SHISA9: variants seen among roughly 807,000 people sequenced by gnomAD.
SHISA9 encodes shisa family member 9, also known as protein shisa-9.
In SHISA9, 13 loss-of-function variants were observed where a neutral mutation model predicts 38.0. The ratio of observed to expected loss-of-function variants is 0.34; its 90% confidence interval spans 0.22 to 0.54. The LOEUF (loss-of-function observed/expected upper bound fraction) is 0.54, where lower values mean the gene tolerates loss of function less well. SHISA9 is among the 20% of genes least tolerant of loss of function. The pLI, the probability that SHISA9 is intolerant of heterozygous loss-of-function variation, is 0.91. For missense variants in SHISA9, 538 were observed against 575.8 expected (o/e 0.93, Z 0.67); for synonymous variants, 275 against 242.0 (o/e 1.14, Z -1.27).
intron 4 of SHISA9, among the ~76,000 whole-genome samples, chr16:13,222,322 G>A (rs2051234901): frequency 6.6e-6 from 1 of 152,078 alleles, no homozygotes; most frequent in African/African-American, 2.4e-5. Context: ...TACTCCGAGT[G>A]GTCACTCCAG....
At chr16:13,244,036 G>C (rs2051454640), downstream of SHISA9, among the ~76,000 whole-genome samples, 1 of 152,118 alleles carries the variant, frequency 6.6e-6, no homozygotes, top group Non-Finnish European at 1.5e-5. Context: ...CTCCCAAAGT[G>C]CTGGGATTAC....
the SHISA9 span, among the ~76,000 whole-genome samples, chr16:13,557,757 G>GGT: frequency 6.6e-6 from 1 of 152,236 alleles, no homozygotes; most frequent in East Asian, 1.9e-4. Context: ...ACCCAGGAAG[G>GGT]AGATGAACGT....
At chr16:13,056,248 A>G (rs2073309580) in intron 2 of SHISA9, among the ~76,000 whole-genome samples, 1 of 152,204 alleles carries the variant, frequency 6.6e-6, no homozygotes, top group South Asian at 2.1e-4. Context: ...GCACTAAATG[A>G]CAGAAGTGTG....
At chr16:13,055,099 T>C (rs2073295251) in intron 2 of SHISA9, among the ~76,000 whole-genome samples, 1 of 152,212 alleles carries the variant, frequency 6.6e-6, no homozygotes, top group Admixed American at 6.5e-5. Flanking sequence ...CATCATATAA[T>C]AATAGCTCAC....
At chr16:13,231,026 T>G (rs912841823) in intron 4 of SHISA9, among the ~76,000 whole-genome samples, 1 of 152,198 alleles carries the variant, frequency 6.6e-6, no homozygotes, top group Non-Finnish European at 1.5e-5. Context: ...GTGCCAGGCT[T>G]CTGTCTCATC....
Position 12,924,930 on chromosome 16 carries a change from C to T in SHISA9, c.691+8115C>T, listed in dbSNP as rs1016346450. 2.6e-5 allele frequency among the ~76,000 whole-genome samples: 4 copies of T among 152,108 alleles called. No individual in the cohort carries two copies. The East Asian group carries it at 5.8e-4, about 22-fold the overall frequency. ...TATAAAAGGAGTAAAACTATGTCTACCTTACAAGGTTGTTGTGAGGATTAA... is the reference window on the plus strand; with the variant it reads ...TATAAAAGGAGTAAAACTATGTCTATCTTACAAGGTTGTTGTGAGGATTAA... On this transcript the variant is annotated intron_variant, in intron 2 of 4. Transcript: ENST00000558583.
At chr16:13,009,524 G>C (rs2072643994) in intron 2 of SHISA9, among the ~76,000 whole-genome samples, 1 of 152,148 alleles carries the variant, frequency 6.6e-6, no homozygotes, top group Non-Finnish European at 1.5e-5. Flanking sequence ...CTCTGGGAAT[G>C]TGGGGAAGGT....
At chr16:13,514,040 G>A in the SHISA9 span, among the ~76,000 whole-genome samples, 2 of 152,212 alleles carry the variant, frequency 1.3e-5, no homozygotes, top group South Asian at 4.2e-4. Flanking sequence ...TGTCACGCAG[G>A]CTGGAGTGCA....
chr16:12,905,000 G>C (rs186364821), intron 1 of SHISA9, among the ~76,000 whole-genome samples: 24 of 152,276 alleles, frequency 1.6e-4, no homozygotes, highest in African/African-American at 5.3e-4. Flanking sequence ...CTACAGGCAT[G>C]AGCCACTGTG....
chr16:13,277,848 A>T, the SHISA9 span, among the ~76,000 whole-genome samples: 1 of 152,048 alleles, frequency 6.6e-6, no homozygotes. Flanking sequence ...GTAAACGATC[A>T]TATGGTCAGC....
At chr16:12,969,802 G>T (rs8056296) in intron 2 of SHISA9, among the ~76,000 whole-genome samples, 20,006 of 152,060 alleles carry the variant, frequency 0.13, 1,810 homozygotes, top group African/African-American at 0.26. Context: ...ACTGGAAACA[G>T]AAAACAAATA....
chr16:13,059,121 C>CTTT (rs3075088), intron 2 of SHISA9, among the ~76,000 whole-genome samples: 73 of 74,864 alleles, frequency 9.8e-4, no homozygotes, highest in Non-Finnish European at 1.1e-3. Context: ...AAAACTCTAT[C>CTTT]TTTTTTTTTT....
At chr16:13,314,206 TTTTTTTA>T in the SHISA9 span, among the ~76,000 whole-genome samples, 5 of 151,598 alleles carry the variant, frequency 3.3e-5, no homozygotes, top group Admixed American at 6.6e-5. Flanking sequence ...TTATTTCATT[TTTTTTTA>T]TTTTTTTATT....
chr16:13,177,354 A>G (rs1217202380), intron 2 of SHISA9, among the ~76,000 whole-genome samples: 1 of 152,102 alleles, frequency 6.6e-6, no homozygotes, highest in East Asian at 1.9e-4. Context: ...GGCTCTTTTG[A>G]GGTCTGATCC....
the SHISA9 span, among the ~76,000 whole-genome samples, chr16:13,360,553 G>A: frequency 6.6e-6 from 1 of 152,166 alleles, no homozygotes; most frequent in African/African-American, 2.4e-5. Flanking sequence ...AAAGAAGGAT[G>A]TGTTTGCTTC....
At chr16:13,228,179 C>G (rs1055041441) in intron 4 of SHISA9, among the ~76,000 whole-genome samples, 1 of 152,180 alleles carries the variant, frequency 6.6e-6, no homozygotes, top group African/African-American at 2.4e-5. Flanking sequence ...CATTCCAGAG[C>G]CTGCAGACTT....
chr16:13,476,999 G>T, the SHISA9 span, among the ~76,000 whole-genome samples: 1 of 151,982 alleles, frequency 6.6e-6, no homozygotes, highest in Non-Finnish European at 1.5e-5. Context: ...GCCCGCCTCG[G>T]CCTCCCAAAC....
chr16:13,112,853 G>T (rs189802657), intron 2 of SHISA9, among the ~76,000 whole-genome samples: 55 of 151,986 alleles, frequency 3.6e-4, no homozygotes, highest in Non-Finnish European at 7.2e-4. Flanking sequence ...AACTAAATCC[G>T]GTGTCACTTA....
intron 2 of SHISA9, among the ~76,000 whole-genome samples, chr16:13,024,740 C>T (rs2063324312): frequency 6.6e-6 from 1 of 152,198 alleles, no homozygotes; most frequent in Non-Finnish European, 1.5e-5. Flanking sequence ...TACCCATTTC[C>T]ACAGAGCTTC....
Sources: gnomAD v4.1 joint callset for allele counts (sites outside exome capture counted in the v4.1 genomes callset) on GRCh38, gnomAD v4.1.1 for gene constraint, MANE v1.5 for transcripts, NCBI Gene and HGNC (gene_info 2026-07-23, HGNC 2026-07-21) for gene names.